SIPA1L3: variants seen among roughly 807,000 people sequenced by gnomAD.
SIPA1L3 encodes signal-induced proliferation-associated 1-like protein 3.
SIPA1L3 carries 59 observed loss-of-function variants against 150.1 expected under a neutral mutation model. That is an observed-to-expected ratio of 0.39 (90% CI 0.32 to 0.49). The LOEUF (loss-of-function observed/expected upper bound fraction) is 0.49. Among genes scored for constraint, SIPA1L3 ranks in the 20% least tolerant of loss-of-function variants. The probability of loss-of-function intolerance (pLI) is 0.86; values close to 1 mark genes in which losing one functional copy is unlikely to be tolerated. For synonymous variants in SIPA1L3, 1,070 were observed against 1,077.6 expected, an observed-to-expected ratio of 0.99 and a Z score of 0.14; for missense variants, 2,211 against 2,489.5, an observed-to-expected ratio of 0.89 and a Z score of 2.38.
intron 1 of SIPA1L3, among the ~76,000 whole-genome samples, chr19:37,997,222 A>G (rs1166048989): frequency 3.3e-5 from 5 of 152,136 alleles, no homozygotes; most frequent in Non-Finnish European, 5.9e-5. Context: ...CCTGCCTCAT[A>G]CATAGGGTTT....
chr19:38,068,003 T>C (rs1599994815), intron 2 of SIPA1L3, among the ~76,000 whole-genome samples: 1 of 150,174 alleles, frequency 6.7e-6, no homozygotes, highest in South Asian at 2.1e-4. Context: ...GGGGAAGACA[T>C]AGAGGGGAAA....
intron 2 of SIPA1L3, among the ~76,000 whole-genome samples, chr19:38,064,873 A>G (rs1213600142): frequency 6.6e-6 from 1 of 152,192 alleles, no homozygotes; most frequent in Non-Finnish European, 1.5e-5. Context: ...TTGCCTGCCC[A>G]AGGTCTAGCT....
intron 16 of SIPA1L3, among the ~76,000 whole-genome samples, chr19:38,190,210 G>A (rs944547221): frequency 2.0e-5 from 3 of 152,342 alleles, no homozygotes; most frequent in Admixed American, 6.5e-5. Flanking sequence ...GCTGGGGGGC[G>A]TGCTGAAGGC....
intron 15 of SIPA1L3, among the ~76,000 whole-genome samples, chr19:38,170,008 G>A (rs1193670738): frequency 1.3e-5 from 2 of 151,970 alleles, no homozygotes; most frequent in Non-Finnish European, 2.9e-5. Flanking sequence ...CAGGTAGAGG[G>A]GCCAGGGTGG....
chr19:38,151,598 CACA>C (rs1045480040), intron 12 of SIPA1L3, among the ~76,000 whole-genome samples: 6 of 152,156 alleles, frequency 3.9e-5, no homozygotes, highest in Admixed American at 3.3e-4. Flanking sequence ...GACCTTCTAC[CACA>C]ACCGGCTGTG....
intron 1 of SIPA1L3, among the ~76,000 whole-genome samples, chr19:37,959,244 T>C (rs986006563): frequency 7.9e-5 from 12 of 152,234 alleles, no homozygotes; most frequent in Non-Finnish European, 1.8e-4. Flanking sequence ...AGTAGCGTTA[T>C]TCGTAACCCC....
chr19:38,097,041 A>G (rs1390228096), intron 4 of SIPA1L3, among the ~76,000 whole-genome samples: 2 of 152,200 alleles, frequency 1.3e-5, no homozygotes, highest in Admixed American at 1.3e-4. Flanking sequence ...GAAAGAAGCT[A>G]GATAACAAAA....
At chr19:38,130,831 AG>A (rs1971292026) in intron 10 of SIPA1L3, 59 bp downstream of exon 10, 1 of 1,544,118 alleles carries the variant, frequency 6.5e-7, no homozygotes, top group African/African-American at 1.4e-5. Flanking sequence ...CGCTGGCATG[AG>A]GCCTCCCTGG....
chr19:37,962,463 C>CTTTTTTTTTTTTTTTTTTTTTTTTT (rs71177491), intron 1 of SIPA1L3, among the ~76,000 whole-genome samples: 2 of 73,096 alleles, frequency 2.7e-5, no homozygotes, highest in African/African-American at 1.4e-4. Context: ...TGCAGCCGGC[C>CTTTTTTTTTTTTTTTTTTTTTTTTT]TTTTTTTTTT....
intron 3 of SIPA1L3, among the ~76,000 whole-genome samples, chr19:38,085,658 G>A (rs1024278902): frequency 1.3e-5 from 2 of 152,176 alleles, no homozygotes; most frequent in African/African-American, 2.4e-5. Flanking sequence ...GTGAACCTTC[G>A]TATACCTGGC....
intron 2 of SIPA1L3, among the ~76,000 whole-genome samples, chr19:38,032,157 T>C (rs548712744): frequency 1.2e-4 from 18 of 152,330 alleles, no homozygotes; most frequent in African/African-American, 3.6e-4. Context: ...ATTGGAACTC[T>C]TCTGTAAGGA....
At chr19:38,099,337 C>CTTTTT (rs11434268) in intron 4 of SIPA1L3, among the ~76,000 whole-genome samples, 1 of 145,546 alleles carries the variant, frequency 6.9e-6, no homozygotes. Context: ...CACGCCTGGC[C>CTTTTT]TTTTTTTTTT....
intron 2 of SIPA1L3, among the ~76,000 whole-genome samples, chr19:38,052,206 C>A (rs1203041465): frequency 6.6e-6 from 1 of 152,178 alleles, no homozygotes; most frequent in Non-Finnish European, 1.5e-5. Context: ...TTCTCAGATG[C>A]CCCTAAGACA....
At chr19:38,049,153 GA>G (rs1223980010) in intron 2 of SIPA1L3, among the ~76,000 whole-genome samples, 1 of 151,644 alleles carries the variant, frequency 6.6e-6, no homozygotes, top group Non-Finnish European at 1.5e-5. Flanking sequence ...TGATGGTGGG[GA>G]AAAAAAATGG....
intron 1 of SIPA1L3, among the ~76,000 whole-genome samples, chr19:37,968,085 C>CTTTCTTTCTTTCTTTCTTTCTTTCTTTCT (rs2046921060): frequency 7.0e-6 from 1 of 142,734 alleles, no homozygotes; most frequent in South Asian, 2.3e-4. Flanking sequence ...TTCTTTCTTT[C>CTTTCTTTCTTTCTTTCTTTCTTTCTTTCT]TTTTTTTGAG....
intron 1 of SIPA1L3, among the ~76,000 whole-genome samples, chr19:37,923,905 A>G (rs1374010267): frequency 1.3e-5 from 2 of 151,882 alleles, no homozygotes; most frequent in African/African-American, 4.8e-5. Context: ...GATTACAGAC[A>G]CCTTCCAACT....
chr19:37,999,225 T>G (rs759641320), intron 1 of SIPA1L3, among the ~76,000 whole-genome samples: 2 of 152,144 alleles, frequency 1.3e-5, no homozygotes, highest in Admixed American at 6.6e-5. Context: ...TCTCATCTCT[T>G]TCCTGCTGAG....
chr19:37,912,307 T>G (rs2046383377), intron 1 of SIPA1L3, among the ~76,000 whole-genome samples: 1 of 152,114 alleles, frequency 6.6e-6, no homozygotes, highest in Non-Finnish European at 1.5e-5. Flanking sequence ...GCACAAACTC[T>G]GGGGCCACAT....
intron 1 of SIPA1L3, among the ~76,000 whole-genome samples, chr19:37,989,209 C>A (rs754485266): frequency 6.6e-6 from 1 of 152,084 alleles, no homozygotes; most frequent in African/African-American, 2.4e-5. Flanking sequence ...TGGGGCAGCT[C>A]CTGTTTTTTG....
Sources: allele counts gnomAD v4.1 joint callset (sites outside exome capture counted in the v4.1 genomes callset), GRCh38; gene constraint gnomAD v4.1.1; transcripts MANE v1.5; gene names NCBI Gene and HGNC (gene_info 2026-07-23, HGNC 2026-07-21).